ZSWIM9: variants seen among roughly 807,000 people sequenced by gnomAD.
ZSWIM9 encodes uncharacterized protein ZSWIM9.
ZSWIM9 carries 11 observed loss-of-function variants against 25.0 expected under a neutral mutation model. The ratio of observed to expected loss-of-function variants is 0.44; its 90% CI spans 0.28 to 0.73. The LOEUF is 0.73. ZSWIM9 is among the 30% of genes least tolerant of loss of function. ZSWIM9 has a pLI of 0.16. For missense variants in ZSWIM9, 1,070 were observed against 1,296.5 expected (o/e 0.83, Z 2.68); for synonymous variants, 562 against 582.1 (o/e 0.97, Z 0.50).
chr19:48,187,513 A>T (rs1444989138), intron 3 of ZSWIM9, among the ~76,000 whole-genome samples: 1 of 69,644 alleles, frequency 1.4e-5, no homozygotes. Flanking sequence ...ATATTATATT[A>T]TATATATTAT....
In ZSWIM9 at chr19:48,171,831, C is replaced by T. The variant is rs908883298; in HGVS notation, c.29C>T (p.Thr10Met). Reference protein sequence around the residue: MERPEPPPGTAAGQEEQELR... With the variant: MERPEPPPGMAAGQEEQELR... Reference sequence around the variant, plus strand: ...GAGCGGCCGGAGCCCCCACCCGGCACGGCTGCGGGGCAGGAGGAGCAGGAG... The same window carrying T: ...GAGCGGCCGGAGCCCCCACCCGGCATGGCTGCGGGGCAGGAGGAGCAGGAG... Residue 10 changes from threonine to methionine, a missense_variant, in exon 2 of 4, where the codon ACG (threonine) becomes ATG (methionine). Thr to Met is a moderately conservative substitution (Grantham distance 81). Around this residue, in one of 4 missense-constraint regions of ZSWIM9, gnomAD observed 265 missense variants for 339.0 expected, o/e 0.78. Coordinates refer to ENST00000614654, the MANE Select transcript of ZSWIM9 (RefSeq NM_199341.4). 2.0e-6 allele frequency: 3 copies of T among 1,533,714 alleles called. No individual in the cohort carries two copies. Among genetic ancestry groups the T allele is most frequent in the African/African-American group, 1.4e-5 (1 of 72,950 alleles).
Position 48,195,058 on chromosome 19 carries a change from C to A in ZSWIM9, c.994C>A (p.Leu332Met), listed in dbSNP as rs1383524211. ...GACGCTCTTCAGCAAGGCGCAGGAGCTGGGCGGCGCCGGCCGCGAGGACCC... is the reference window on the plus strand; with the variant it reads ...GACGCTCTTCAGCAAGGCGCAGGAGATGGGCGGCGCCGGCCGCGAGGACCC... ...LETLFSKAQELGGAGREDPGL... is the reference protein window; with the variant it reads ...LETLFSKAQEMGGAGREDPGL... The change falls in exon 4 of 4, where the codon CTG (leucine) becomes ATG (methionine). Residue 332 changes from leucine to methionine, a missense_variant. By Grantham distance (15) the Leu-to-Met change is conservative. Transcript: ENST00000614654. This position sits in a 1 kb window ranked among gnomAD's most constrained non-coding sequence, Gnocchi z 5.8. 7.3e-7 allele frequency: 1 copy of A among 1,372,812 alleles called. No individual in the cohort carries two copies. The allele number at this position is 1,372,812 out of a possible 1,614,324, so 85.0% of individuals were successfully genotyped here.
In ZSWIM9 at chr19:48,197,041, G is replaced by A. The variant is rs534725850; in HGVS notation, c.*214G>A. On this transcript the variant is annotated 3_prime_UTR_variant, in exon 4 of 4. Coordinates refer to ENST00000614654, the MANE Select transcript of ZSWIM9 (RefSeq NM_199341.4). ...TCCTGGAGCCACAGCTTGGGAAGGT[G>A]TTGATGGGCAGGGTGGATTCTGAGG... 1.0e-4 allele frequency: 56 copies of A among 551,706 alleles called. 1 individual carries two copies. The South Asian group carries it at 1.2e-3, about 12-fold the overall frequency. The allele number at this position is 551,706 out of a possible 1,614,324, so 34.2% of individuals were successfully genotyped here.
chr19:48,176,183 G>A (rs1389119613), intron 2 of ZSWIM9, among the ~76,000 whole-genome samples: 3 of 152,078 alleles, frequency 2.0e-5, no homozygotes, highest in Non-Finnish European at 4.4e-5. Flanking sequence ...TCCAGCCTGG[G>A]CAACAGAGCG....
chr19:48,192,791 G>T lies in ZSWIM9; in HGVS notation c.589-1862G>T, dbSNP rs968821822. Among the ~76,000 whole-genome samples the T allele has an allele frequency of 2.0e-5, 3 of 152,008 alleles. No homozygotes were observed. In the East Asian group the frequency reaches 5.8e-4, roughly 30 times the overall value. On this transcript the variant is annotated intron_variant, in intron 3 of 3. Coordinates refer to ENST00000614654, the MANE Select transcript of ZSWIM9 (RefSeq NM_199341.4). Reference sequence around the variant, plus strand: ...ATAGTCAAGGCTACAGTTTATTACAGCAAAAGGATACAGAGTAAAATCAGC... The same window carrying T: ...ATAGTCAAGGCTACAGTTTATTACATCAAAAGGATACAGAGTAAAATCAGC...
In ZSWIM9 at chr19:48,182,848, T is replaced by A; in HGVS notation, c.588+81T>A. The A allele has an allele frequency of 1.0e-6, 1 of 961,700 alleles. No homozygotes were observed. The highest frequency in any genetic ancestry group is 1.5e-6 in the Non-Finnish European group (1 of 657,348). 59.6% of individuals were successfully genotyped at this position (961,700 alleles called of 1,614,324 possible). On this transcript the variant is annotated intron_variant, in intron 3 of 3. Coordinates refer to ENST00000614654, the MANE Select transcript of ZSWIM9 (RefSeq NM_199341.4). This position sits in a 1 kb window ranked among gnomAD's most constrained non-coding sequence, Gnocchi z 4.6. ...GACTCGTGGGTCATTCATGCCTTCATCCGCCCTCTCATCCCTTCACTCCTT... is the reference window on the plus strand; with the variant it reads ...GACTCGTGGGTCATTCATGCCTTCAACCGCCCTCTCATCCCTTCACTCCTT...
Position 48,195,437 on chromosome 19 carries a change from C to A in ZSWIM9, c.1373C>A (p.Pro458Gln). The A allele has an allele frequency of 6.9e-7, 1 of 1,440,250 alleles. No homozygotes were observed. Among genetic ancestry groups the A allele is most frequent in the Non-Finnish European group, 9.0e-7 (1 of 1,105,410 alleles). 89.2% of individuals were successfully genotyped at this position (1,440,250 alleles called of 1,614,324 possible). The change falls in exon 4 of 4, where the codon CCA (proline) becomes CAA (glutamine). Residue 458 changes from proline (P) to glutamine (Q), a missense_variant. Physicochemically the swap from Pro to Gln is moderately conservative, Grantham distance 76. Coordinates refer to ENST00000614654, the MANE Select transcript of ZSWIM9 (RefSeq NM_199341.4). This position sits in a 1 kb window ranked among gnomAD's most constrained non-coding sequence, Gnocchi z 5.8. ...GGGGGGCCTTGGCTGGAGGATGAGC[C>A]AGGGAGGGGAGCCCAGGGGGAGAAC... ...DGGGPWLEDE[P>Q]GRGAQGENER...
chr19:48,187,569 T>TATATATTATATAATATATATTATATATAA (rs1159441428), intron 3 of ZSWIM9: 207 of 18,350 alleles, frequency 0.011, 1 homozygote, highest in African/African-American at 0.038. Context: ...ATATATAATA[T>TATATATTATATAATATATATTATATATAA]TATATATATT....
Position 48,185,098 on chromosome 19 carries a change from C to T in ZSWIM9, c.588+2331C>T, listed in dbSNP as rs528806530. 2.6e-4 allele frequency among the ~76,000 whole-genome samples: 40 copies of T among 151,346 alleles called. No homozygotes were observed. The East Asian group carries it at 6.0e-3, about 23-fold the overall frequency. ...CTGTCTTGGAATCTCGGCTAAACCA[C>T]GGTTGGCTCCTGCGTCTGTGTTTTG... is the stretch of plus-strand genomic sequence containing the variant. On this transcript the variant is annotated intron_variant, in intron 3 of 3. Transcript: ENST00000614654.
chr19:48,197,099 G>C lies in ZSWIM9; in HGVS notation c.*272G>C. ...TCTGGAGAGGAAGCATGTGATGAGA[G>C]GTGTAGACAGGGTCAGGCTGGGACA... On this transcript the variant is annotated 3_prime_UTR_variant, in exon 4 of 4. Transcript: ENST00000614654. The C allele has an allele frequency of 6.4e-6, 4 of 623,062 alleles. No homozygotes were observed. Among genetic ancestry groups the C allele is most frequent in the Admixed American group, 5.2e-5 (2 of 38,642 alleles). The allele number at this position is 623,062 out of a possible 1,614,324, so 38.6% of individuals were successfully genotyped here.
At chr19:48,187,565 A>ATATTATTATTATATT (rs1568579812) in intron 3 of ZSWIM9, 17 of 23,648 alleles carry the variant, frequency 7.2e-4, no homozygotes, top group South Asian at 1.4e-3. Context: ...TATTATATAT[A>ATATTATTATTATATT]ATATTATATA....
Position 48,195,918 on chromosome 19 carries a change from G to T in ZSWIM9, c.1854G>T (p.Arg618Ser). ...DLRGTQFDYE[R>S]VRSLEGSPWR... ...GGGGGACCCAGTTTGACTATGAGAG[G>T]GTCAGGAGTCTTGAAGGAAGCCCCT... The change falls in exon 4 of 4, where the codon AGG becomes AGT. Residue 618 changes from arginine (R) to serine (S), a missense_variant. By Grantham distance (110) the Arg-to-Ser change is moderately radical (BLOSUM62 -1). Coordinates refer to ENST00000614654, the MANE Select transcript of ZSWIM9 (RefSeq NM_199341.4). The surrounding 1 kb of genome is among the most constrained non-coding windows in gnomAD (Gnocchi z 5.8). 2 of 1,365,814 alleles carry T rather than the reference G, an allele frequency of 1.5e-6. No homozygotes were observed. Among genetic ancestry groups the T allele is most frequent in the Non-Finnish European group, 1.9e-6 (2 of 1,064,376 alleles). The allele number at this position is 1,365,814 out of a possible 1,614,324, so 84.6% of individuals were successfully genotyped here.
rs924840738 is a variant in ZSWIM9, at chr19:48,196,525, G to C, written c.2461G>C (p.Glu821Gln). The C allele has an allele frequency of 4.1e-6, 5 of 1,232,444 alleles. No homozygotes were observed. In the African/African-American group the frequency reaches 7.8e-5, roughly 19 times the overall value. The allele number at this position is 1,232,444 out of a possible 1,614,324, so 76.3% of individuals were successfully genotyped here. A position where few individuals can be genotyped will look rare whatever the true frequency, so the allele number is the denominator to read the frequency against. The change falls in exon 4 of 4, where the codon GAA becomes CAA. Residue 821 changes from glutamate to glutamine, a missense_variant. Around this residue, in one of 4 missense-constraint regions of ZSWIM9, gnomAD observed 583 missense variants for 624.7 expected, o/e 0.93. Transcript: ENST00000614654. Reference sequence around the variant, plus strand: ...CCCGGGAGAGGAGGAGGTGGACTGGGAACCCCTGGCCAAATTCCGAGCAGC... The same window carrying C: ...CCCGGGAGAGGAGGAGGTGGACTGGCAACCCCTGGCCAAATTCCGAGCAGC... ...RPPGEEEVDW[E>Q]PLAKFRAACG...
chr19:48,172,888 C>CA (rs36052415), intron 2 of ZSWIM9, among the ~76,000 whole-genome samples: 46,192 of 151,998 alleles, frequency 0.3, 8,189 homozygotes, highest in East Asian at 0.56. Flanking sequence ...AGAAAATAGT[C>CA]ACGGAAAATT....
chr19:48,181,665 A>G (rs1246417765), intron 2 of ZSWIM9: 2 of 152,202 alleles, frequency 1.3e-5, no homozygotes, highest in East Asian at 1.9e-4. Flanking sequence ...AAGTTTTCCA[A>G]AGTGCTTGTG....
rs554639421 is a variant in ZSWIM9, at chr19:48,187,591, A to C, written c.588+4824A>C. On this transcript the variant is annotated intron_variant, in intron 3 of 3. Coordinates refer to ENST00000614654, the MANE Select transcript of ZSWIM9 (RefSeq NM_199341.4). ...ATATTATATATATTATATATTATAT[A>C]ATATAATATTATATATTATATTAAT... is the stretch of plus-strand genomic sequence containing the variant. 3 of 40,896 alleles carry C rather than the reference A, an allele frequency of 7.3e-5. 1 individual carries two copies. The South Asian group carries it at 2.3e-3, about 32-fold the overall frequency. 2.5% of individuals were successfully genotyped at this position (40,896 alleles called of 1,614,324 possible).
chr19:48,191,895 G>C (rs776715979), intron 3 of ZSWIM9: 7 of 154,722 alleles, frequency 4.5e-5, no homozygotes, highest in Non-Finnish European at 1.0e-4. Flanking sequence ...AAGCTGTCAG[G>C]GTTCAAATCC....
At chr19:48,186,981 C>T (rs1342208382) in intron 3 of ZSWIM9, among the ~76,000 whole-genome samples, 5 of 152,108 alleles carry the variant, frequency 3.3e-5, no homozygotes, top group African/African-American at 1.2e-4. Context: ...ATTTGGAGGT[C>T]TAGCTGCTGC....
intron 2 of ZSWIM9, 65 bp downstream of exon 2, chr19:48,172,142 G>GGA: frequency 3.7e-6 from 2 of 546,424 alleles, no homozygotes; most frequent in Non-Finnish European, 3.2e-6. Flanking sequence ...GTGTGGGTGG[G>GGA]AGACGGGCAG....
Sources: allele counts gnomAD v4.1 joint callset (sites outside exome capture counted in the v4.1 genomes callset), GRCh38; gene constraint gnomAD v4.1.1; regional missense constraint gnomAD v4.1.1; non-coding constraint Gnocchi (gnomAD v3.1); transcripts MANE v1.5; gene names NCBI Gene and HGNC (gene_info 2026-07-23, HGNC 2026-07-21).